DYNC2H1: variants seen among roughly 807,000 people sequenced by gnomAD.
DYNC2H1 encodes dynein cytoplasmic 2 heavy chain 1.
DYNC2H1 carries 410 observed loss-of-function variants against 570.0 expected under a neutral mutation model. That is an observed-to-expected ratio of 0.72 (90% CI 0.66 to 0.78). The LOEUF (loss-of-function observed/expected upper bound fraction) is 0.78, where lower values mean the gene tolerates loss of function less well. Ranked by LOEUF, DYNC2H1 falls within the 30% of genes least tolerant of loss-of-function variation. DYNC2H1 has a pLI of 0.00. For synonymous variants in DYNC2H1, 1,688 were observed against 1,677.6 expected, an observed-to-expected ratio of 1.01 and a Z score of -0.15; for missense variants, 4,865 against 5,046.4, an observed-to-expected ratio of 0.96 and a Z score of 1.09.
At position 103,119,498 on chromosome 11, in the gene DYNC2H1, C is replaced by A. The variant is rs367755276; in HGVS notation, c.1000-949C>A. 3.3e-5 allele frequency among the ~76,000 whole-genome samples: 5 copies of A among 152,268 alleles called. No homozygotes were observed. The East Asian group carries it at 5.8e-4, about 18-fold the overall frequency. On this transcript the variant is annotated intron_variant, in intron 6 of 88. Transcript: ENST00000375735. ...GGGACTACAGGTGCACGCCACCACA[C>A]CTGGCTAATTTTTGTATTTTTAGTA...
At position 103,181,921 on chromosome 11, in the gene DYNC2H1, G is replaced by A. The variant is rs1179133366; in HGVS notation, c.6477+35G>A. ...CCATAATATTTCATAATTAATCGAG[G>A]TGAGAAGTATGATTAAGAGTGATGC... On this transcript the variant is annotated intron_variant, in intron 40 of 88. Coordinates refer to ENST00000375735, the MANE Select transcript of DYNC2H1 (RefSeq NM_001377.3). This position sits in a 1 kb window ranked among gnomAD's most constrained non-coding sequence, Gnocchi z 5.0. The A allele has an allele frequency of 1.3e-6, 2 of 1,587,136 alleles. No individual in the cohort carries two copies. Among genetic ancestry groups the A allele is most frequent in the African/African-American group, 2.7e-5 (2 of 74,094 alleles).
At chr11:103,372,901 A>G (rs1034448510) in intron 83 of DYNC2H1, among the ~76,000 whole-genome samples, 1 of 152,054 alleles carries the variant, frequency 6.6e-6, no homozygotes, top group African/African-American at 2.4e-5. Flanking sequence ...TCTATTACAC[A>G]TTCAGTTTCC....
At chr11:103,311,312 T>C (rs1867577105) in intron 78 of DYNC2H1, among the ~76,000 whole-genome samples, 1 of 152,148 alleles carries the variant, frequency 6.6e-6, no homozygotes, top group South Asian at 2.1e-4. Context: ...ATGATACATA[T>C]GGATGAACAT....
chr11:103,256,903 AC>A lies in DYNC2H1; in HGVS notation c.10461+666del. Among the ~76,000 whole-genome samples the A allele has an allele frequency of 6.6e-6, 1 of 152,236 alleles. No individual in the cohort carries two copies. The highest frequency in any genetic ancestry group is 1.9e-4 in the East Asian group (1 of 5,178). On this transcript the variant is annotated intron_variant, in intron 68 of 88. Coordinates refer to ENST00000375735, the MANE Select transcript of DYNC2H1 (RefSeq NM_001377.3). This position sits in a 1 kb window ranked among gnomAD's most constrained non-coding sequence, Gnocchi z 4.0. ...TCACAAATATTTACCATTTCATCTT[AC>A]CCACTTTCCCCTAATACTAGTGCTG...
rs1026332725 is a variant in DYNC2H1 at position 103,288,725 on chromosome 11, A to G, written c.11095+1120A>G. On this transcript the variant is annotated intron_variant, in intron 75 of 88. Transcript: ENST00000375735. ...AAAAAAAAAAAGAAAAGAAAGTAAA[A>G]GAAAGATTAGCCAGGCATGGTGGCG... Among the ~76,000 whole-genome samples, 8 of 149,232 alleles carry G rather than the reference A, an allele frequency of 5.4e-5. No homozygotes were observed. The Admixed American group carries it at 5.4e-4, about 10-fold the overall frequency.
intron 82 of DYNC2H1, among the ~76,000 whole-genome samples, chr11:103,339,333 C>A (rs547282935): frequency 3.3e-5 from 5 of 152,292 alleles, no homozygotes; most frequent in African/African-American, 1.2e-4. Context: ...CCATGGCCAC[C>A]ACCATGTGGC....
intron 84 of DYNC2H1, among the ~76,000 whole-genome samples, chr11:103,413,228 G>T (rs577144327): frequency 9.9e-5 from 15 of 152,212 alleles, no homozygotes; most frequent in Middle Eastern, 3.4e-3. Flanking sequence ...AATGACTGGG[G>T]ACCTTATTTT....
chr11:103,237,916 A>G (rs17488), intron 63 of DYNC2H1, among the ~76,000 whole-genome samples: 10,309 of 152,218 alleles, frequency 0.068, 378 homozygotes, highest in Middle Eastern at 0.15. Flanking sequence ...TTTGAAATTA[A>G]TAAGCTTAAA....
At chr11:103,448,160 G>A (rs1250110176) in intron 85 of DYNC2H1, among the ~76,000 whole-genome samples, 1 of 152,108 alleles carries the variant, frequency 6.6e-6, no homozygotes, top group Non-Finnish European at 1.5e-5. Context: ...AGAAAAATTA[G>A]GATATTACGT....
rs1346883 is a variant in DYNC2H1, at chr11:103,257,778, A to G, written c.10605+27A>G. ...TAAGCTGTTGGATACCCTGTACCAGAGACTGAATTACAGGGATTACTTTAC... is the reference window on the plus strand; with the variant it reads ...TAAGCTGTTGGATACCCTGTACCAGGGACTGAATTACAGGGATTACTTTAC... On this transcript the variant is annotated intron_variant, in intron 69 of 88. Coordinates refer to ENST00000375735, the MANE Select transcript of DYNC2H1 (RefSeq NM_001377.3). The G allele has an allele frequency of 6.5e-3, 9,868 of 1,516,908 alleles. 554 individuals are homozygous for G. In the African/African-American group the frequency reaches 0.12, roughly 18 times the overall value. The allele number at this position is 1,516,908 out of a possible 1,614,324, so 94.0% of individuals were successfully genotyped here. A position where few individuals can be genotyped will look rare whatever the true frequency, so the allele number is the denominator to read the frequency against.
intron 20 of DYNC2H1, 114 bp from the exon 21 acceptor site, chr11:103,152,022 A>G: frequency 8.3e-7 from 1 of 1,206,282 alleles, no homozygotes; most frequent in South Asian, 1.6e-5. Flanking sequence ...TTTAAATGCA[A>G]AAATCTTAAT....
In DYNC2H1 at chr11:103,326,171, TCTTA is replaced by T. The variant is rs1938462383; in HGVS notation, c.12039+2186_12039+2189del. Among the ~76,000 whole-genome samples the T allele has an allele frequency of 6.6e-6, 1 of 152,156 alleles. No individual in the cohort carries two copies. Among genetic ancestry groups the T allele is most frequent in the Admixed American group, 6.5e-5 (1 of 15,274 alleles). ...TAGGAGTAGTGGCTGGTAGATAGGC[TCTTA>T]CTTAGCCCTGTGGTTTTTTTGTTAT... is the stretch of plus-strand genomic sequence containing the variant. On this transcript the variant is annotated intron_variant, in intron 82 of 88. Coordinates refer to ENST00000375735, the MANE Select transcript of DYNC2H1 (RefSeq NM_001377.3). This position sits in a 1 kb window ranked among gnomAD's most constrained non-coding sequence, Gnocchi z 6.1.
At chr11:103,155,546 A>C (rs746257517) in intron 25 of DYNC2H1, 45 bp downstream of exon 25, 47 of 1,540,048 alleles carry the variant, frequency 3.1e-5, no homozygotes, top group Non-Finnish European at 3.8e-5. Context: ...GGCCTTTTTT[A>C]ATATACAATA....
At position 103,365,178 on chromosome 11, in the gene DYNC2H1, A is replaced by G. The variant is rs111602927; in HGVS notation, c.12156+6819A>G. 5.2e-3 allele frequency among the ~76,000 whole-genome samples: 798 copies of G among 152,176 alleles called. 5 individuals carry two copies. The highest frequency in any genetic ancestry group is 0.018 in the African/African-American group (762 of 41,544). ...GGAGTTCGAAACCAGCCTGACAAAC[A>G]TGGAGAAACCCTGTCTCTACTGAAA... On this transcript the variant is annotated intron_variant, in intron 83 of 88. Transcript: ENST00000375735.
intron 83 of DYNC2H1, among the ~76,000 whole-genome samples, chr11:103,394,287 C>T (rs923472216): frequency 4.6e-5 from 7 of 152,038 alleles, no homozygotes; most frequent in Admixed American, 3.3e-4. Context: ...ATACGGATCT[C>T]CGAATCTGTA....
intron 84 of DYNC2H1, among the ~76,000 whole-genome samples, chr11:103,431,635 C>T (rs987244228): frequency 3.3e-5 from 5 of 152,128 alleles, no homozygotes; most frequent in African/African-American, 1.2e-4. Context: ...TTACAATCAA[C>T]ACATTTTGCC....
At chr11:103,438,889 G>C (rs1169984396) in intron 85 of DYNC2H1, among the ~76,000 whole-genome samples, 11 of 152,032 alleles carry the variant, frequency 7.2e-5, no homozygotes, top group Admixed American at 5.9e-4. Flanking sequence ...TGTGTCTATA[G>C]TTCCAGTGAC....
chr11:103,312,919 AG>A (rs1018570041), intron 79 of DYNC2H1, among the ~76,000 whole-genome samples: 10 of 152,128 alleles, frequency 6.6e-5, no homozygotes, highest in African/African-American at 2.4e-4. Context: ...TGTGTTTCTT[AG>A]CTTCCCTATC....
At position 103,204,255 on chromosome 11, in the gene DYNC2H1, C is replaced by T. The variant is rs1862835736; in HGVS notation, c.8311+479C>T. Among the ~76,000 whole-genome samples, 1 of 152,122 alleles carries T rather than the reference C, an allele frequency of 6.6e-6. No homozygotes were observed. Among genetic ancestry groups the T allele is most frequent in the African/African-American group, 2.4e-5 (1 of 41,406 alleles). ...GTCCCACCAGGTTCCTCCCGCAACA[C>T]GTGGGGATTATGGGAGCTACAAAAT... On this transcript the variant is annotated intron_variant, in intron 51 of 88. Coordinates refer to ENST00000375735, the MANE Select transcript of DYNC2H1 (RefSeq NM_001377.3). The surrounding 1 kb of genome is among the most constrained non-coding windows in gnomAD (Gnocchi z 4.1).
Sources: allele counts gnomAD v4.1 joint callset (sites outside exome capture counted in the v4.1 genomes callset), GRCh38; gene constraint gnomAD v4.1.1; non-coding constraint Gnocchi (gnomAD v3.1); transcripts MANE v1.5; gene names NCBI Gene and HGNC (gene_info 2026-07-23, HGNC 2026-07-21).